The following WDR7 variants were observed in gnomAD, a reference collection of about 807,000 sequenced individuals.
WDR7 encodes WD repeat-containing protein 7.
Under a neutral mutation model 169.4 loss-of-function variants are expected in WDR7, and 46 were observed. The observed-to-expected ratio is 0.27, with a 90% CI of 0.21 to 0.35. The LOEUF (loss-of-function observed/expected upper bound fraction) is 0.35. Among genes scored for constraint, WDR7 ranks in the 10% least tolerant of loss-of-function variants. The probability of loss-of-function intolerance (pLI) is 1.00; values close to 1 mark genes in which losing one functional copy is unlikely to be tolerated. For missense variants in WDR7, 1,534 were observed against 1,859.3 expected (o/e 0.83, Z 3.22); for synonymous variants, 612 against 666.8 (o/e 0.92, Z 1.27).
chr18:56,955,702 C>T (rs912935729), intron 25 of WDR7, among the ~76,000 whole-genome samples: 6 of 151,806 alleles, frequency 4.0e-5, no homozygotes, highest in Admixed American at 2.6e-4. Context: ...ATAGCTGATA[C>T]GGTTTGCATG....
chr18:56,946,105 A>T (rs889550394), intron 25 of WDR7, among the ~76,000 whole-genome samples: 3 of 152,224 alleles, frequency 2.0e-5, no homozygotes, highest in Admixed American at 6.5e-5. Context: ...AGCACTAAGA[A>T]GCTAGTTTAG....
intron 26 of WDR7, among the ~76,000 whole-genome samples, chr18:56,971,754 C>T (rs1355035325): frequency 6.6e-6 from 1 of 152,082 alleles, no homozygotes; most frequent in African/African-American, 2.4e-5. Flanking sequence ...ATATGCAAAG[C>T]CCAGAGAACC....
intron 12 of WDR7, among the ~76,000 whole-genome samples, chr18:56,697,461 G>A (rs1371528428): frequency 6.6e-6 from 1 of 151,980 alleles, no homozygotes; most frequent in African/African-American, 2.4e-5. Flanking sequence ...ATTTTTCCTG[G>A]CAGATTTGCA....
intron 19 of WDR7, among the ~76,000 whole-genome samples, chr18:56,800,651 T>C (rs1568202494): frequency 6.6e-6 from 1 of 152,204 alleles, no homozygotes; most frequent in Non-Finnish European, 1.5e-5. Context: ...AGGCTCCTAA[T>C]AACTGTCTGA....
intron 20 of WDR7, among the ~76,000 whole-genome samples, chr18:56,818,573 T>C (rs1446059453): frequency 6.6e-6 from 1 of 152,232 alleles, no homozygotes; most frequent in Non-Finnish European, 1.5e-5. Flanking sequence ...TACCATGTTG[T>C]CAAAGCAACT....
chr18:57,025,189 A>G (rs2048350102), intron 27 of WDR7, among the ~76,000 whole-genome samples: 1 of 152,242 alleles, frequency 6.6e-6, no homozygotes, highest in South Asian at 2.1e-4. Context: ...ATTTTGAATT[A>G]CCAGCAGAAG....
chr18:56,933,598 C>T (rs182991722), intron 22 of WDR7, among the ~76,000 whole-genome samples: 1 of 152,228 alleles, frequency 6.6e-6, no homozygotes. Flanking sequence ...AAGATGCAAT[C>T]TAACCATTCA....
chr18:56,784,928 T>G (rs991094645), intron 19 of WDR7, among the ~76,000 whole-genome samples: 2 of 152,020 alleles, frequency 1.3e-5, no homozygotes, highest in Non-Finnish European at 1.5e-5. Context: ...TTTTTTTTTT[T>G]GTGAAAGACA....
At chr18:56,737,805 G>A (rs955864141) in intron 14 of WDR7, among the ~76,000 whole-genome samples, 7 of 152,284 alleles carry the variant, frequency 4.6e-5, no homozygotes, top group Admixed American at 6.5e-5. Context: ...ATGACATTGT[G>A]TACGGGATAC....
Position 56,714,369 on chromosome 18 carries a change from G to A in WDR7, c.1579-3595G>A, listed in dbSNP as rs1251286902. 2.7e-5 allele frequency among the ~76,000 whole-genome samples: 4 copies of A among 150,316 alleles called. No individual in the cohort carries two copies. In the South Asian group the frequency reaches 6.3e-4, roughly 24 times the overall value. ...GCTACTTCCAGTCTTTCTTATTACA[G>A]TAAAGCTAAAGTTAACTCTTTAGAT... On this transcript the variant is annotated intron_variant, in intron 12 of 27. Coordinates refer to ENST00000254442, the MANE Select transcript of WDR7 (RefSeq NM_015285.3).
intron 12 of WDR7, among the ~76,000 whole-genome samples, chr18:56,700,633 G>T (rs540078604): frequency 6.9e-5 from 10 of 144,368 alleles, no homozygotes; most frequent in Non-Finnish European, 1.2e-4. Context: ...GCAGTGGCGC[G>T]ATCTCGGCTC....
chr18:56,666,383 A>C (rs2025025057), intron 1 of WDR7, among the ~76,000 whole-genome samples: 1 of 151,420 alleles, frequency 6.6e-6, no homozygotes. Flanking sequence ...TTTTATTTTT[A>C]GTAGAGACGG....
intron 20 of WDR7, among the ~76,000 whole-genome samples, chr18:56,831,421 T>G (rs2045306252): frequency 6.6e-6 from 1 of 152,090 alleles, no homozygotes; most frequent in Non-Finnish European, 1.5e-5. Context: ...CTGAAAATAC[T>G]GGGGAATGAT....
intron 13 of WDR7, among the ~76,000 whole-genome samples, chr18:56,730,955 A>G (rs1478669589): frequency 6.6e-6 from 1 of 152,176 alleles, no homozygotes; most frequent in African/African-American, 2.4e-5. Flanking sequence ...GAGAAGCTTC[A>G]GCAATTATTC....
At chr18:56,756,113 G>A (rs1349532632) in intron 14 of WDR7, among the ~76,000 whole-genome samples, 1 of 152,034 alleles carries the variant, frequency 6.6e-6, no homozygotes, top group African/African-American at 2.4e-5. Context: ...CTTTATTCAG[G>A]GAATGGAATC....
intron 27 of WDR7, 52 bp from the exon 28 acceptor site, chr18:57,026,952 G>T (rs1457292557): frequency 1.3e-6 from 2 of 1,566,262 alleles, no homozygotes; most frequent in Non-Finnish European, 1.7e-6. Context: ...CTCTGTGATA[G>T]GGAAAGGGAG....
intron 12 of WDR7, among the ~76,000 whole-genome samples, chr18:56,698,716 C>T (rs2025759927): frequency 6.6e-6 from 1 of 151,874 alleles, no homozygotes; most frequent in African/African-American, 2.4e-5. Context: ...ATATATGCAA[C>T]TAAACGGAGA....
intron 21 of WDR7, among the ~76,000 whole-genome samples, chr18:56,881,289 C>T (rs1234148711): frequency 6.6e-6 from 1 of 152,030 alleles, no homozygotes; most frequent in East Asian, 1.9e-4. Context: ...TAAACAATAC[C>T]ACCACCAACC....
At chr18:56,950,555 T>C (rs1374561877) in intron 25 of WDR7, among the ~76,000 whole-genome samples, 1 of 152,204 alleles carries the variant, frequency 6.6e-6, no homozygotes, top group Non-Finnish European at 1.5e-5. Context: ...TGAAATCCTT[T>C]TGCACAGAAT....
Sources: allele counts gnomAD v4.1 joint callset (sites outside exome capture counted in the v4.1 genomes callset), GRCh38; gene constraint gnomAD v4.1.1; transcripts MANE v1.5; gene names NCBI Gene and HGNC (gene_info 2026-07-23, HGNC 2026-07-21).